The following SCRN3 variants were observed in gnomAD, a reference collection of about 807,000 sequenced individuals.
The protein encoded by SCRN3 is secernin-3.
In SCRN3, 39 loss-of-function variants were observed where a neutral mutation model predicts 43.1. The observed-to-expected ratio is 0.91, with a 90% CI of 0.70 to 1.18. SCRN3 has a LOEUF of 1.18. Ranked by LOEUF, SCRN3 falls within the 50% of genes most tolerant of loss-of-function variation. The probability of loss-of-function intolerance (pLI) is 0.00; values close to 1 mark genes in which losing one functional copy is unlikely to be tolerated. For missense variants in SCRN3, 484 were observed against 498.0 expected (o/e 0.97, Z 0.27); for synonymous variants, 147 against 163.1 (o/e 0.90, Z 0.75).
At chr2:174,404,410 T>A in intron 5 of SCRN3, 95 bp downstream of exon 5, 1 of 765,622 alleles carries the variant, frequency 1.3e-6, no homozygotes, top group Non-Finnish European at 2.0e-6. Flanking sequence ...GAATTATAAT[T>A]AGTAAAAATA....
intron 1 of SCRN3, chr2:174,396,325 G>A (rs1685307580): frequency 1.0e-6 from 1 of 986,010 alleles, no homozygotes; most frequent in Admixed American, 6.1e-5. Flanking sequence ...CCTCCTCAGT[G>A]GGCTAGGTGC....
chr2:174,401,823 A>C (rs1685517633), intron 4 of SCRN3, among the ~76,000 whole-genome samples: 1 of 152,192 alleles, frequency 6.6e-6, no homozygotes, highest in Non-Finnish European at 1.5e-5. Flanking sequence ...CATCACTAGA[A>C]CATAGCCTTA....
intron 5 of SCRN3, among the ~76,000 whole-genome samples, chr2:174,414,506 A>T (rs952774078): frequency 1.3e-5 from 2 of 152,152 alleles, no homozygotes; most frequent in African/African-American, 4.8e-5. Context: ...TCAGTTAGCA[A>T]TATATGATGT....
At chr2:174,396,796 C>CAAAAAAA (rs57053389) in intron 1 of SCRN3, among the ~76,000 whole-genome samples, 24 of 137,406 alleles carry the variant, frequency 1.7e-4, no homozygotes, top group African/African-American at 3.7e-4. Context: ...TAAACTCCAT[C>CAAAAAAA]AAAAAAAAAA....
intron 5 of SCRN3, among the ~76,000 whole-genome samples, chr2:174,406,382 T>TCA: frequency 7.4e-6 from 1 of 135,274 alleles, no homozygotes; most frequent in Non-Finnish European, 1.7e-5. Context: ...GTTTTCTAGA[T>TCA]ATACAATCAT....
chr2:174,404,217 T>C lies in SCRN3; in HGVS notation c.656T>C (p.Phe219Ser), dbSNP rs746822547. ...GGTTGGTGGGATGGTAAAAAGGAGT[T>C]TGATTTTGCTGCAGCATATTCCTAT... ...RKGWWDGKKE[F>S]DFAAAYSYLD... is the part of the protein sequence containing the mutation. Residue 219 changes from phenylalanine to serine, a missense_variant, in exon 5 of 8, where the codon TTT becomes TCT. Transcript: ENST00000272732. 4 of 1,613,874 alleles carry C rather than the reference T, an allele frequency of 2.5e-6. No individual in the cohort carries two copies. In the East Asian group the frequency reaches 8.9e-5, roughly 36 times the overall value.
chr2:174,404,752 C>A (rs1172359408), intron 5 of SCRN3, among the ~76,000 whole-genome samples: 2 of 122,096 alleles, frequency 1.6e-5, no homozygotes, highest in Non-Finnish European at 3.5e-5. Context: ...TGATGATTTC[C>A]AATTTCATCC....
intron 7 of SCRN3, among the ~76,000 whole-genome samples, chr2:174,426,184 G>A (rs1350942364): frequency 6.6e-6 from 1 of 152,028 alleles, no homozygotes; most frequent in Non-Finnish European, 1.5e-5. Context: ...CAAAAGGCCT[G>A]CCTCACCTCA....
At chr2:174,396,947 C>G (rs1031328323) in intron 1 of SCRN3, 148 of 314,946 alleles carry the variant, frequency 4.7e-4, no homozygotes, top group Non-Finnish European at 6.4e-4. Flanking sequence ...CTCATAACAG[C>G]CCATCAAATA....
chr2:174,397,399 G>A (rs1322850402), intron 1 of SCRN3: 9 of 920,232 alleles, frequency 9.8e-6, no homozygotes, highest in Non-Finnish European at 1.2e-5. Flanking sequence ...AGTTACAACT[G>A]AAGAGGTAAT....
chr2:174,420,838 C>T (rs1210423325), intron 5 of SCRN3, among the ~76,000 whole-genome samples: 1 of 152,010 alleles, frequency 6.6e-6, no homozygotes, highest in African/African-American at 2.4e-5. Flanking sequence ...GTGAAAAGGT[C>T]TCACATACAT....
chr2:174,401,327 A>C, intron 4 of SCRN3, 138 bp downstream of exon 4: 1 of 671,208 alleles, frequency 1.5e-6, no homozygotes, highest in Admixed American at 3.0e-5. Context: ...AAATTTAAAA[A>C]TTTGAAAGAA....
intron 5 of SCRN3, among the ~76,000 whole-genome samples, chr2:174,405,879 A>C (rs1239125815): frequency 6.7e-6 from 1 of 148,300 alleles, no homozygotes; most frequent in African/African-American, 2.4e-5. Flanking sequence ...TATAGTTTGA[A>C]GTCAGGTAGT....
At chr2:174,419,580 C>T (rs1686225110) in intron 5 of SCRN3, among the ~76,000 whole-genome samples, 1 of 151,242 alleles carries the variant, frequency 6.6e-6, no homozygotes, top group South Asian at 2.1e-4. Flanking sequence ...GCGGACTTGC[C>T]ATGTTGCCCA....
chr2:174,408,592 G>A (rs1181385392), intron 5 of SCRN3, among the ~76,000 whole-genome samples: 4 of 144,538 alleles, frequency 2.8e-5, no homozygotes, highest in African/African-American at 1.0e-4. Context: ...TGCAGCGGCT[G>A]GTACCGGTTG....
chr2:174,415,671 G>A (rs976523710), intron 5 of SCRN3, among the ~76,000 whole-genome samples: 6 of 152,096 alleles, frequency 3.9e-5, no homozygotes, highest in Admixed American at 1.3e-4. Flanking sequence ...TTGAGACAAT[G>A]TCTCGATCCA....
At chr2:174,427,590 G>A (rs911448581) in intron 7 of SCRN3, 123 bp from the exon 8 acceptor site, 16 of 489,632 alleles carry the variant, frequency 3.3e-5, no homozygotes, top group Non-Finnish European at 4.5e-5. Flanking sequence ...TAAAGAACAA[G>A]AAGGGAACCA....
Position 174,429,317 on chromosome 2 carries a change from A to G in SCRN3, c.*1422A>G, listed in dbSNP as rs1462155510. On this transcript the variant is annotated 3_prime_UTR_variant, in exon 8 of 8. Coordinates refer to ENST00000272732, the MANE Select transcript of SCRN3 (RefSeq NM_024583.5). ...TGCTGCCACCTTGGCCTAAACTAGC[A>G]CCGTCTTTTAGCTAGACCATTGCGT... is the stretch of plus-strand genomic sequence containing the variant. The G allele has an allele frequency of 6.6e-6, 1 of 152,144 alleles. No individual in the cohort carries two copies. Among genetic ancestry groups the G allele is most frequent in the Admixed American group, 6.5e-5 (1 of 15,276 alleles). The allele number at this position is 152,144 out of a possible 1,614,324, so 9.4% of individuals were successfully genotyped here.
chr2:174,423,118 T>C, intron 6 of SCRN3, 71 bp downstream of exon 6: 1 of 1,310,946 alleles, frequency 7.6e-7, no homozygotes, highest in Non-Finnish European at 1.0e-6. Context: ...ATGTTAATAA[T>C]TTTGTCAGGA....
Sources: gnomAD v4.1 joint callset for allele counts (sites outside exome capture counted in the v4.1 genomes callset) on GRCh38, gnomAD v4.1.1 for gene constraint, MANE v1.5 for transcripts, NCBI Gene and HGNC (gene_info 2026-07-23, HGNC 2026-07-21) for gene names.